The following CTSS variants were observed in gnomAD, a reference collection of about 807,000 sequenced individuals.
CTSS encodes the protein cathepsin S.
Under a neutral mutation model 39.9 loss-of-function variants are expected in CTSS, and 15 were observed. The observed-to-expected ratio is 0.38, with a 90% CI of 0.25 to 0.58. The LOEUF is 0.58. CTSS is among the 20% of genes least tolerant of loss of function. The pLI is 0.70. For synonymous variants in CTSS, 126 were observed against 138.2 expected, an observed-to-expected ratio of 0.91 and a Z score of 0.62; for missense variants, 250 against 398.2, an observed-to-expected ratio of 0.63 and a Z score of 3.17.
Position 150,744,970 on chromosome 1 carries a change from A to T in CTSS, c.896+2807T>A, listed in dbSNP as rs1652863650. Among the ~76,000 whole-genome samples, 3 of 152,028 alleles carry T rather than the reference A, an allele frequency of 2.0e-5. 1 individual carries two copies. The South Asian group carries it at 6.2e-4, about 32-fold the overall frequency. ...CCGTAGGGAGTTCCTTAGAGAGTCAATAAGATATGAGGGAAATAGTTTCAT... is the reference window on the plus strand; with the variant it reads ...CCGTAGGGAGTTCCTTAGAGAGTCATTAAGATATGAGGGAAATAGTTTCAT... On this transcript the variant is annotated intron_variant, in intron 7 of 7. Transcript: ENST00000368985.
chr1:150,743,240 T>C (rs769167874), intron 7 of CTSS, among the ~76,000 whole-genome samples: 23 of 151,932 alleles, frequency 1.5e-4, no homozygotes, highest in Non-Finnish European at 2.5e-4. Flanking sequence ...TTTGGGTCAT[T>C]GAGAGCAACT....
intron 3 of CTSS, among the ~76,000 whole-genome samples, chr1:150,756,894 T>G (rs1653143376): frequency 6.6e-6 from 1 of 152,048 alleles, no homozygotes; most frequent in South Asian, 2.1e-4. Flanking sequence ...TTTTGTATTT[T>G]TAGTAGAGAC....
At chr1:150,759,558 T>C (rs945225303) in intron 2 of CTSS, among the ~76,000 whole-genome samples, 17 of 152,232 alleles carry the variant, frequency 1.1e-4, no homozygotes, top group African/African-American at 3.6e-4. Context: ...TATTTTTTAT[T>C]TTCAAGATTT....
rs587682743 is a variant in CTSS at position 150,762,515 on chromosome 1, T to C, written c.126+2123A>G. ...AACTCATAGATTGGGAGAAAATATT[T>C]GCAAATCATACATTTGATAAGGGGC... On this transcript the variant is annotated intron_variant, in intron 2 of 7. Coordinates refer to ENST00000368985, the MANE Select transcript of CTSS (RefSeq NM_004079.5). 6.1e-4 allele frequency among the ~76,000 whole-genome samples: 93 copies of C among 152,292 alleles called. 2 individuals carry two copies. The highest frequency in any genetic ancestry group is 2.1e-3 in the African/African-American group (88 of 41,562).
chr1:150,734,736 A>G (rs1475567052), intron 7 of CTSS, among the ~76,000 whole-genome samples: 1 of 152,200 alleles, frequency 6.6e-6, no homozygotes, highest in East Asian at 1.9e-4. Flanking sequence ...AAAAATCCAA[A>G]GACATAATCT....
intron 2 of CTSS, among the ~76,000 whole-genome samples, chr1:150,763,505 T>A (rs1336854555): frequency 6.6e-6 from 1 of 152,194 alleles, no homozygotes; most frequent in Non-Finnish European, 1.5e-5. Context: ...ATTAGCCTAA[T>A]TTAATCATTC....
At chr1:150,764,785 T>C (rs771417785) in intron 1 of CTSS, 21 bp from the exon 2 acceptor site, 1 of 1,611,962 alleles carries the variant, frequency 6.2e-7, no homozygotes. Flanking sequence ...AAAGGTAACA[T>C]AGGAAGTGTT....
rs1421380144 is a variant in CTSS at position 150,764,632 on chromosome 1, A to G, written c.126+6T>C. Reference sequence around the variant, plus strand: ...AGCATATCGCTCGAGTGGCAATCCAATCTACCTTTTCCTTGTATTGTTTGC... The same window carrying G: ...AGCATATCGCTCGAGTGGCAATCCAGTCTACCTTTTCCTTGTATTGTTTGC... On this transcript the variant is annotated splice_donor_region_variant and intron_variant, in intron 2 of 7. Transcript: ENST00000368985. 2 of 1,614,046 alleles carry G rather than the reference A, an allele frequency of 1.2e-6. No individual in the cohort carries two copies. The highest frequency in any genetic ancestry group is 1.7e-6 in the Non-Finnish European group (2 of 1,179,942).
At chr1:150,758,008 C>T (rs1411291023) in intron 2 of CTSS, 28 bp from the exon 3 acceptor site, 1 of 1,602,944 alleles carries the variant, frequency 6.2e-7, no homozygotes, top group African/African-American at 1.3e-5. Flanking sequence ...AGAACATAGT[C>T]ATACTGCATC....
intron 7 of CTSS, among the ~76,000 whole-genome samples, chr1:150,734,412 G>A (rs1386500879): frequency 6.6e-6 from 1 of 151,986 alleles, no homozygotes; most frequent in South Asian, 2.1e-4. Context: ...AGGCAGAGAC[G>A]GGCAGATCAT....
At chr1:150,733,774 G>A (rs1307330700) in intron 7 of CTSS, among the ~76,000 whole-genome samples, 5 of 151,724 alleles carry the variant, frequency 3.3e-5, no homozygotes, top group Admixed American at 3.3e-4. Context: ...AGCAGCCTGG[G>A]CAAAATAGCA....
intron 7 of CTSS, among the ~76,000 whole-genome samples, chr1:150,745,720 C>A (rs587700592): frequency 1.3e-5 from 2 of 152,016 alleles, no homozygotes; most frequent in South Asian, 4.2e-4. Context: ...GGGAGAATGT[C>A]ATGTGAAAAT....
At chr1:150,744,619 T>C (rs1302393822) in intron 7 of CTSS, among the ~76,000 whole-genome samples, 1 of 108,252 alleles carries the variant, frequency 9.2e-6, no homozygotes, top group Non-Finnish European at 1.9e-5. Flanking sequence ...ATATTATATA[T>C]TATGTATATT....
At chr1:150,740,805 C>T (rs1652735641) in intron 7 of CTSS, among the ~76,000 whole-genome samples, 1 of 151,986 alleles carries the variant, frequency 6.6e-6, no homozygotes, top group African/African-American at 2.4e-5. Context: ...AGTGATATTC[C>T]CACCTCAGTC....
chr1:150,754,006 A>C (rs1433044492), intron 4 of CTSS, among the ~76,000 whole-genome samples: 1 of 152,104 alleles, frequency 6.6e-6, no homozygotes, highest in African/African-American at 2.4e-5. Context: ...CAGTATCCAC[A>C]AGGGATTGGT....
At chr1:150,740,709 G>A (rs139821968) in intron 7 of CTSS, among the ~76,000 whole-genome samples, 4 of 146,430 alleles carry the variant, frequency 2.7e-5, no homozygotes, top group East Asian at 2.0e-4. Context: ...TTTTTTTTTC[G>A]AGATAGGGTC....
intron 3 of CTSS, among the ~76,000 whole-genome samples, chr1:150,756,708 C>CTTTTTTTTTTTTTTTTTTTTTTTTT (rs72242218): frequency 1.5e-5 from 2 of 131,182 alleles, no homozygotes; most frequent in Non-Finnish European, 1.6e-5. Flanking sequence ...TTCTTTCTTT[C>CTTTTTTTTTTTTTTTTTTTTTTTTT]TTTTTTTTTT....
intron 7 of CTSS, among the ~76,000 whole-genome samples, chr1:150,745,367 A>G (rs72704612): frequency 0.062 from 9,419 of 152,172 alleles, 387 homozygotes; most frequent in Middle Eastern, 0.16. Flanking sequence ...ATGCTCATGA[A>G]AAGGGAAAAT....
intron 2 of CTSS, among the ~76,000 whole-genome samples, chr1:150,761,178 CAAAA>C (rs33945837): frequency 7.8e-5 from 8 of 102,516 alleles, no homozygotes; most frequent in Admixed American, 1.0e-4. Flanking sequence ...GAATCCGCCT[CAAAA>C]AAAAAAAAAA....
Sources: gnomAD v4.1 joint callset for allele counts (sites outside exome capture counted in the v4.1 genomes callset) on GRCh38, gnomAD v4.1.1 for gene constraint, MANE v1.5 for transcripts, NCBI Gene and HGNC (gene_info 2026-07-23, HGNC 2026-07-21) for gene names.